The following PRKG2 variants were observed in gnomAD, a reference collection of about 807,000 sequenced individuals.
PRKG2 encodes cGMP-dependent protein kinase 2.
Under a neutral mutation model 97.2 loss-of-function variants are expected in PRKG2, and 33 were observed. The ratio of observed to expected loss-of-function variants is 0.34; its 90% confidence interval spans 0.26 to 0.45. PRKG2 has a LOEUF of 0.45. Among genes scored for constraint, PRKG2 ranks in the 20% least tolerant of loss-of-function variants. The pLI is 1.00. For synonymous variants in PRKG2, 330 were observed against 321.8 expected, an observed-to-expected ratio of 1.03 and a Z score of -0.27; for missense variants, 638 against 900.0, an observed-to-expected ratio of 0.71 and a Z score of 3.73.
At chr4:81,133,516 C>T (rs111395754) in intron 14 of PRKG2, among the ~76,000 whole-genome samples, 2,272 of 152,208 alleles carry the variant, frequency 0.015, 27 homozygotes, top group Non-Finnish European at 0.024. Context: ...TACTGCTGCT[C>T]AAGTTTGATT....
chr4:81,164,587 A>T (rs1399459539), intron 6 of PRKG2, among the ~76,000 whole-genome samples: 1 of 152,146 alleles, frequency 6.6e-6, no homozygotes, highest in Non-Finnish European at 1.5e-5. Flanking sequence ...TAACTAAACC[A>T]GTGCTTCTTA....
At chr4:81,206,064 T>A (rs948038102) in intron 1 of PRKG2, among the ~76,000 whole-genome samples, 4 of 152,236 alleles carry the variant, frequency 2.6e-5, no homozygotes, top group African/African-American at 9.6e-5. Context: ...TATTCAGGTT[T>A]ACTGAGTCAA....
chr4:81,111,114 G>A (rs753668886), intron 14 of PRKG2, among the ~76,000 whole-genome samples: 2 of 151,972 alleles, frequency 1.3e-5, no homozygotes, highest in African/African-American at 2.4e-5. Flanking sequence ...GAGAAGGGGG[G>A]CTTAATACTC....
intron 6 of PRKG2, among the ~76,000 whole-genome samples, chr4:81,166,216 T>C (rs957449700): frequency 2.6e-5 from 4 of 152,096 alleles, no homozygotes; most frequent in Non-Finnish European, 5.9e-5. Flanking sequence ...GATAAAATGG[T>C]CCCTACTCCC....
intron 15 of PRKG2, among the ~76,000 whole-genome samples, chr4:81,108,626 G>GCA (rs1743598765): frequency 3.9e-5 from 6 of 151,990 alleles, no homozygotes; most frequent in African/African-American, 1.2e-4. Context: ...CTAGTGTGAT[G>GCA]GCTCACACTT....
intron 1 of PRKG2, among the ~76,000 whole-genome samples, chr4:81,213,565 T>G (rs1754116363): frequency 2.0e-5 from 3 of 152,122 alleles, no homozygotes; most frequent in Non-Finnish European, 2.9e-5. Context: ...TGGAAAGAGC[T>G]GACACTAAGA....
At chr4:81,217,689 C>A (rs1578540918), upstream of PRKG2, among the ~76,000 whole-genome samples, 1 of 151,980 alleles carries the variant, frequency 6.6e-6, no homozygotes, top group South Asian at 2.1e-4. Flanking sequence ...CAAAAGTAAG[C>A]ATATGTGGGA....
intron 17 of PRKG2, among the ~76,000 whole-genome samples, chr4:81,101,139 A>C (rs1395897024): frequency 1.3e-5 from 2 of 151,766 alleles, no homozygotes; most frequent in Non-Finnish European, 2.9e-5. Context: ...TAGTTCAACC[A>C]TTGTGGAAGT....
chr4:81,109,320 C>T (rs1442620928), intron 15 of PRKG2, among the ~76,000 whole-genome samples: 2 of 152,224 alleles, frequency 1.3e-5, no homozygotes, highest in Admixed American at 1.3e-4. Context: ...CTTGTATCTT[C>T]ACCAATAGAC....
chr4:81,158,407 A>AC (rs77707135), intron 6 of PRKG2, among the ~76,000 whole-genome samples: 40,587 of 138,636 alleles, frequency 0.29, 8,749 homozygotes, highest in African/African-American at 0.56. Context: ...AGAACTACAA[A>AC]CCTTCAAGGA....
chr4:81,088,261 A>G lies in PRKG2; in HGVS notation c.*1447T>C, dbSNP rs1741261739. 1 of 152,172 alleles carries G rather than the reference A, an allele frequency of 6.6e-6. No individual in the cohort carries two copies. The highest frequency in any genetic ancestry group is 2.4e-5 in the African/African-American group (1 of 41,440). The allele number at this position is 152,172 out of a possible 1,614,324, so 9.4% of individuals were successfully genotyped here. A position where few individuals can be genotyped will look rare whatever the true frequency, so the allele number is the denominator to read the frequency against. ...CTAGCTTAACTCATTAAGGAAGCAT[A>G]TAGCTGGCTTTTTTCTGGATGATGA... is the stretch of plus-strand genomic sequence containing the variant. On this transcript the variant is annotated 3_prime_UTR_variant, in exon 19 of 19. Transcript: ENST00000264399.
Position 81,142,960 on chromosome 4 carries a change from A to G in PRKG2, c.1254-13T>C. 1 of 1,595,414 alleles carries G rather than the reference A, an allele frequency of 6.3e-7. No homozygotes were observed. Among genetic ancestry groups the G allele is most frequent in the Non-Finnish European group, 8.6e-7 (1 of 1,167,718 alleles). On this transcript the variant is annotated splice_polypyrimidine_tract_variant and intron_variant, in intron 10 of 18. Coordinates refer to ENST00000264399, the MANE Select transcript of PRKG2 (RefSeq NM_006259.3). ...AGACATGGACCGCCTGTACAAGAGA[A>G]GTGAAACTTTACACACACACACCCA...
intron 1 of PRKG2, among the ~76,000 whole-genome samples, chr4:81,214,166 AAAAAG>A (rs1754152916): frequency 6.6e-6 from 1 of 151,382 alleles, no homozygotes; most frequent in Non-Finnish European, 1.5e-5. Flanking sequence ...AAAAAAAAAA[AAAAAG>A]AAGGAGAAGA....
At chr4:81,164,944 T>C (rs1336471099) in intron 6 of PRKG2, 2 of 152,166 alleles carry the variant, frequency 1.3e-5, no homozygotes, top group East Asian at 1.9e-4. Context: ...TTCATCACCA[T>C]GTGTGGGGGC....
intron 1 of PRKG2, among the ~76,000 whole-genome samples, chr4:81,207,678 A>G (rs1381768182): frequency 6.6e-6 from 1 of 152,214 alleles, no homozygotes; most frequent in Non-Finnish European, 1.5e-5. Context: ...CCTCTGGTTT[A>G]GTTGGAAGCT....
At chr4:81,198,162 C>T (rs1401593769) in intron 2 of PRKG2, among the ~76,000 whole-genome samples, 2 of 152,164 alleles carry the variant, frequency 1.3e-5, no homozygotes, top group African/African-American at 4.8e-5. Flanking sequence ...TTTTTCCTAA[C>T]GCCTAGCAAC....
chr4:81,135,501 GAAC>G lies in PRKG2; in HGVS notation c.1635-208_1635-206del, dbSNP rs111725940. On this transcript the variant is annotated intron_variant, in intron 13 of 18. Transcript: ENST00000264399. ...TCAGGGAGATATGTGATACAAACAA[GAAC>G]TACTTCACTAAAATTAAAATATCAA... Among the ~76,000 whole-genome samples, 304 of 152,240 alleles carry G rather than the reference GAAC, an allele frequency of 2.0e-3. 2 individuals are homozygous for G. Among genetic ancestry groups the G allele is most frequent in the African/African-American group, 7.1e-3 (297 of 41,564 alleles).
chr4:81,187,799 C>A (rs915490125), intron 2 of PRKG2, among the ~76,000 whole-genome samples: 3 of 152,150 alleles, frequency 2.0e-5, no homozygotes, highest in African/African-American at 7.2e-5. Flanking sequence ...GCAAAAATCA[C>A]AAGCATTCCT....
At chr4:81,121,041 TTGATA>T (rs2110001974) in intron 14 of PRKG2, among the ~76,000 whole-genome samples, 1 of 152,356 alleles carries the variant, frequency 6.6e-6, no homozygotes, top group South Asian at 2.1e-4. Context: ...TCTGCATTTA[TTGATA>T]TGATAATATA....
Sources: allele counts gnomAD v4.1 joint callset (sites outside exome capture counted in the v4.1 genomes callset), GRCh38; gene constraint gnomAD v4.1.1; transcripts MANE v1.5; gene names NCBI Gene and HGNC (gene_info 2026-07-23, HGNC 2026-07-21).